The following CFAP96 variants were observed in gnomAD, a reference collection of about 807,000 sequenced individuals.
CFAP96 encodes cilia and flagella associated protein 96.
At chr4:185,413,791 A>G in the CFAP96 span, 2 of 1,613,602 alleles carry the variant, frequency 1.2e-6, no homozygotes, top group Non-Finnish European at 8.5e-7. Context: ...CCATCTTTGT[A>G]TGGCTCATCT....
the CFAP96 span, among the ~76,000 whole-genome samples, chr4:185,429,761 C>T: frequency 6.6e-6 from 1 of 152,146 alleles, no homozygotes; most frequent in Non-Finnish European, 1.5e-5. Context: ...TCTCAAACTC[C>T]TGGGCTCAAG....
chr4:185,448,058 T>C, the CFAP96 span, among the ~76,000 whole-genome samples: 1 of 152,218 alleles, frequency 6.6e-6, no homozygotes, highest in African/African-American at 2.4e-5. Context: ...TTCACTCTTG[T>C]CACCCAGGCT....
chr4:185,415,645 T>C, the CFAP96 span: 2 of 1,424,190 alleles, frequency 1.4e-6, no homozygotes, highest in South Asian at 1.3e-5. Flanking sequence ...CTACAGGATA[T>C]ACAAACATGG....
chr4:185,438,696 C>T, the CFAP96 span, among the ~76,000 whole-genome samples: 2 of 152,104 alleles, frequency 1.3e-5, no homozygotes, highest in Non-Finnish European at 2.9e-5. Context: ...CGGGCTTTTT[C>T]TGGAGTGCTG....
the CFAP96 span, chr4:185,415,825 AG>A: frequency 6.2e-7 from 1 of 1,613,752 alleles, no homozygotes; most frequent in Non-Finnish European, 8.5e-7. Flanking sequence ...GCTGCCAGGG[AG>A]GTTGACATTT....
At chr4:185,431,899 A>G in the CFAP96 span, 1 of 1,150,462 alleles carries the variant, frequency 8.7e-7, no homozygotes, top group Non-Finnish European at 1.2e-6. Context: ...CCCAAATCAT[A>G]TTTGGAAATT....
chr4:185,425,921 G>A, the CFAP96 span: 292 of 1,567,666 alleles, frequency 1.9e-4, no homozygotes, highest in Non-Finnish European at 2.4e-4. Flanking sequence ...AAGTTCCGGG[G>A]GCCGGCCCTG....
At chr4:185,447,480 G>T in the CFAP96 span, among the ~76,000 whole-genome samples, 1 of 151,982 alleles carries the variant, frequency 6.6e-6, no homozygotes. Context: ...ACGCCCGGCC[G>T]ATTTTATATT....
chr4:185,413,235 A>T, the CFAP96 span, among the ~76,000 whole-genome samples: 1 of 152,106 alleles, frequency 6.6e-6, no homozygotes, highest in East Asian at 1.9e-4. Flanking sequence ...TAAAAATACA[A>T]AAATTAGCCA....
chr4:185,430,441 A>T, the CFAP96 span, among the ~76,000 whole-genome samples: 2 of 152,232 alleles, frequency 1.3e-5, no homozygotes, highest in Non-Finnish European at 2.9e-5. Context: ...ATGAAAAAGG[A>T]TATCTATGAA....
chr4:185,419,731 T>C, the CFAP96 span, among the ~76,000 whole-genome samples: 1 of 152,244 alleles, frequency 6.6e-6, no homozygotes, highest in Non-Finnish European at 1.5e-5. Flanking sequence ...TCTTCTGTAT[T>C]GTAGCATGAA....
At chr4:185,434,111 C>T in the CFAP96 span, among the ~76,000 whole-genome samples, 5 of 151,940 alleles carry the variant, frequency 3.3e-5, no homozygotes, top group South Asian at 6.2e-4. Context: ...CCCAGCTACT[C>T]GGGAGGCGGA....
chr4:185,441,112 G>A, the CFAP96 span, among the ~76,000 whole-genome samples: 1 of 151,922 alleles, frequency 6.6e-6, no homozygotes, highest in African/African-American at 2.4e-5. Flanking sequence ...TACCATGCCT[G>A]GTGAATTCAT....
chr4:185,436,426 T>C, the CFAP96 span: 2 of 1,226,374 alleles, frequency 1.6e-6, no homozygotes, highest in South Asian at 1.3e-5. Flanking sequence ...AATAATTCAC[T>C]TGAGGCCGGG....
At chr4:185,443,342 A>ATTTTTTTTT in the CFAP96 span, among the ~76,000 whole-genome samples, 7 of 26,726 alleles carry the variant, frequency 2.6e-4, no homozygotes, top group African/African-American at 7.0e-4. Context: ...ATATATATAT[A>ATTTTTTTTT]TTTTTTTTTT....
chr4:185,429,181 C>T, the CFAP96 span: 10 of 358,664 alleles, frequency 2.8e-5, no homozygotes, highest in Admixed American at 4.8e-5. Flanking sequence ...TATTCTCCCC[C>T]ACCCCGCAGA....
chr4:185,417,766 G>A, the CFAP96 span, among the ~76,000 whole-genome samples: 7 of 152,116 alleles, frequency 4.6e-5, no homozygotes, highest in Non-Finnish European at 7.4e-5. Flanking sequence ...AGAACCAGCC[G>A]GGCGCGGTGG....
At chr4:185,411,131 T>A in the CFAP96 span, among the ~76,000 whole-genome samples, 531 of 148,892 alleles carry the variant, frequency 3.6e-3, 3 homozygotes, top group Non-Finnish European at 3.9e-3. Flanking sequence ...TTTTTTTTTT[T>A]TAAAAGACAC....
chr4:185,438,440 A>G, the CFAP96 span, among the ~76,000 whole-genome samples: 1 of 152,086 alleles, frequency 6.6e-6, no homozygotes, highest in Non-Finnish European at 1.5e-5. Flanking sequence ...GAGTATTTTT[A>G]ATGTCTTACC....
Sources: gnomAD v4.1 joint callset for allele counts (sites outside exome capture counted in the v4.1 genomes callset) on GRCh38, gnomAD v4.1.1 for gene constraint, MANE v1.5 for transcripts, NCBI Gene and HGNC (gene_info 2026-07-23, HGNC 2026-07-21) for gene names.